Variants in MOCOS observed in about 807,000 individuals in gnomAD.
The protein encoded by MOCOS is human molybdenum cofactor sulfurase.
MOCOS carries 86 observed loss-of-function variants against 83.6 expected under a neutral mutation model. That is an observed-to-expected ratio of 1.03 (90% CI 0.86 to 1.23). The LOEUF is 1.23. Among genes scored for constraint, MOCOS ranks in the 50% most tolerant of loss-of-function variants. The pLI, the probability that MOCOS is intolerant of heterozygous loss-of-function variation, is 0.00. For missense variants in MOCOS, 1,120 were observed against 1,126.9 expected, an observed-to-expected ratio of 0.99 and a Z score of 0.09; for synonymous variants, 445 against 434.7, an observed-to-expected ratio of 1.02 and a Z score of -0.29.
intron 13 of MOCOS, among the ~76,000 whole-genome samples, chr18:36,260,999 T>C (rs2091661892): frequency 6.6e-6 from 1 of 151,988 alleles, no homozygotes; most frequent in Admixed American, 6.6e-5. Flanking sequence ...TGCTTATTCC[T>C]GCAGTGTGTG....
chr18:36,199,688 T>C lies in MOCOS; in HGVS notation c.305T>C (p.Leu102Pro). The C allele has an allele frequency of 6.2e-7, 1 of 1,613,674 alleles. No individual in the cohort carries two copies. The highest frequency in any genetic ancestry group is 8.5e-7 in the Non-Finnish European group (1 of 1,180,046). The stretch of plus-strand genomic sequence containing the variant: ...GGATGCTGTGCTTCTTCCAGAATCC[T>C]GGCGCACTTCCACACCACCGCAGAA... ...DTVEQVRYRI[L>P]AHFHTTAEDY... Residue 102 changes from leucine to proline, a missense_variant, in exon 4 of 15, where the codon CTG becomes CCG. Leu to Pro is a moderately conservative substitution (Grantham distance 98). Coordinates refer to ENST00000261326, the MANE Select transcript of MOCOS (RefSeq NM_017947.4).
rs181639978 is a variant in MOCOS at position 36,222,494 on chromosome 18, T to G, written c.1960+2277T>G. Among the ~76,000 whole-genome samples, 19 of 152,272 alleles carry G rather than the reference T, an allele frequency of 1.2e-4. 1 individual carries two copies. In the East Asian group the frequency reaches 2.9e-3, roughly 23 times the overall value. On this transcript the variant is annotated intron_variant, in intron 9 of 14. Coordinates refer to ENST00000261326, the MANE Select transcript of MOCOS (RefSeq NM_017947.4). ...CAATTTGCATTTCCCTCATTATTAG[T>G]GATGTTAAACATTTTCCATATACCC... is the stretch of plus-strand genomic sequence containing the variant.
chr18:36,263,459 G>T (rs1390774318), intron 13 of MOCOS, among the ~76,000 whole-genome samples: 1 of 152,214 alleles, frequency 6.6e-6, no homozygotes, highest in Non-Finnish European at 1.5e-5. Flanking sequence ...GGATGAGGTG[G>T]CTTTCTATGT....
At chr18:36,204,788 C>T (rs1276023658) in intron 5 of MOCOS, among the ~76,000 whole-genome samples, 3 of 151,566 alleles carry the variant, frequency 2.0e-5, no homozygotes, top group Non-Finnish European at 4.4e-5. Flanking sequence ...AGCCCAGGAG[C>T]TCAAGACAAG....
chr18:36,193,273 T>TGCAGTCC (rs1026842199), intron 1 of MOCOS, among the ~76,000 whole-genome samples: 1 of 121,576 alleles, frequency 8.2e-6, no homozygotes, highest in Non-Finnish European at 1.6e-5. Context: ...ATTGCGCCAC[T>TGCAGTCC]GCAGTCCGCA....
chr18:36,198,678 G>T lies in MOCOS; in HGVS notation c.233-12G>T. ...GTAGTGACTTGGTGGCCTTGTCTTT[G>T]TAACCTGCCAGGTAATCCTCACAGC... On this transcript the variant is annotated splice_polypyrimidine_tract_variant and intron_variant, in intron 2 of 14. Transcript: ENST00000261326. 2 of 1,614,132 alleles carry T rather than the reference G, an allele frequency of 1.2e-6. No individual in the cohort carries two copies. Among genetic ancestry groups the T allele is most frequent in the Non-Finnish European group, 1.7e-6 (2 of 1,179,996 alleles).
chr18:36,262,680 G>T (rs977069502), intron 13 of MOCOS, among the ~76,000 whole-genome samples: 11 of 152,072 alleles, frequency 7.2e-5, no homozygotes, highest in Non-Finnish European at 1.3e-4. Flanking sequence ...TTTATTTTTG[G>T]TAGAGATGGG....
At chr18:36,244,915 G>A (rs915880296) in intron 9 of MOCOS, among the ~76,000 whole-genome samples, 1 of 152,040 alleles carries the variant, frequency 6.6e-6, no homozygotes, top group African/African-American at 2.4e-5. Flanking sequence ...TTGCTTTAAA[G>A]TTTGTTTTGT....
At chr18:36,229,993 G>A (rs1352887683) in intron 9 of MOCOS, among the ~76,000 whole-genome samples, 1 of 152,070 alleles carries the variant, frequency 6.6e-6, no homozygotes, top group African/African-American at 2.4e-5. Flanking sequence ...ATTAGGGTCA[G>A]TTGCTGGAAA....
intron 6 of MOCOS, among the ~76,000 whole-genome samples, chr18:36,205,959 C>G (rs1266531413): frequency 6.6e-6 from 1 of 152,112 alleles, no homozygotes; most frequent in African/African-American, 2.4e-5. Flanking sequence ...AGGCTGGTCT[C>G]AAACTCCTGA....
chr18:36,251,537 G>T (rs1043625517), intron 11 of MOCOS, among the ~76,000 whole-genome samples: 5 of 152,110 alleles, frequency 3.3e-5, no homozygotes, highest in Non-Finnish European at 7.4e-5. Flanking sequence ...CCTTAGTCCT[G>T]CATGTTCAAA....
chr18:36,230,156 T>C (rs2091532676), intron 9 of MOCOS, among the ~76,000 whole-genome samples: 1 of 152,126 alleles, frequency 6.6e-6, no homozygotes, highest in Admixed American at 6.6e-5. Flanking sequence ...GATCTCGGCT[T>C]ACTGCAACCT....
chr18:36,254,391 A>T (rs1568067565), intron 11 of MOCOS, among the ~76,000 whole-genome samples: 2 of 151,782 alleles, frequency 1.3e-5, no homozygotes, highest in African/African-American at 4.8e-5. Context: ...GAATCTCAAT[A>T]CTGCAGCATT....
intron 4 of MOCOS, among the ~76,000 whole-genome samples, chr18:36,201,663 CA>C (rs200846253): frequency 5.8e-5 from 4 of 69,458 alleles, no homozygotes; most frequent in East Asian, 4.8e-4. Flanking sequence ...ACTCCATCTC[CA>C]AAAAAAAAAA....
chr18:36,251,035 CT>C (rs1337761111), intron 10 of MOCOS, 123 bp from the exon 11 acceptor site: 1 of 1,212,210 alleles, frequency 8.2e-7, no homozygotes, highest in Non-Finnish European at 1.2e-6. Flanking sequence ...TCACTTCAGG[CT>C]GCCTTCAGGG....
At chr18:36,252,277 T>G (rs2091624815) in intron 11 of MOCOS, among the ~76,000 whole-genome samples, 1 of 152,220 alleles carries the variant, frequency 6.6e-6, no homozygotes, top group South Asian at 2.1e-4. Flanking sequence ...TCCCAGCACT[T>G]TGGGAGGCTG....
chr18:36,253,106 G>C (rs1053597430), intron 11 of MOCOS, among the ~76,000 whole-genome samples: 2 of 152,156 alleles, frequency 1.3e-5, no homozygotes, highest in African/African-American at 4.8e-5. Flanking sequence ...ATCTGGAGAA[G>C]TGAGCAGCAG....
chr18:36,204,792 A>G (rs1598873725), intron 5 of MOCOS, among the ~76,000 whole-genome samples: 5 of 152,170 alleles, frequency 3.3e-5, no homozygotes, highest in African/African-American at 1.2e-4. Context: ...CAGGAGCTCA[A>G]GACAAGCCTG....
At position 36,248,912 on chromosome 18, in the gene MOCOS, T is replaced by A; in HGVS notation, c.1961-10T>A. ...TAATGATAAATTTGTTTTTAACCTT[T>A]GTTCATTAGGGATGGAGCCTATAGA... On this transcript the variant is annotated splice_polypyrimidine_tract_variant and intron_variant, in intron 9 of 14. Transcript: ENST00000261326. The A allele has an allele frequency of 6.2e-7, 1 of 1,612,558 alleles. No homozygotes were observed. The highest frequency in any genetic ancestry group is 8.5e-7 in the Non-Finnish European group (1 of 1,178,626).
Sources: allele counts gnomAD v4.1 joint callset (sites outside exome capture counted in the v4.1 genomes callset), GRCh38; gene constraint gnomAD v4.1.1; transcripts MANE v1.5; gene names NCBI Gene and HGNC (gene_info 2026-07-23, HGNC 2026-07-21).